The following MIPOL1 variants were observed in gnomAD, a reference collection of about 807,000 sequenced individuals.
MIPOL1 encodes the protein mirror-image polydactyly gene 1 protein.
A neutral mutation model predicts 60.9 loss-of-function variants in MIPOL1; 57 were observed. That is an observed-to-expected ratio of 0.94 (90% CI 0.76 to 1.17). The LOEUF (loss-of-function observed/expected upper bound fraction) is 1.17, where lower values mean the gene tolerates loss of function less well. Ranked by LOEUF, MIPOL1 falls within the 50% of genes most tolerant of loss-of-function variation. The pLI, the probability that MIPOL1 is intolerant of heterozygous loss-of-function variation, is 0.00. For synonymous variants in MIPOL1, 179 were observed against 168.8 expected, an observed-to-expected ratio of 1.06 and a Z score of -0.47; for missense variants, 551 against 511.6, an observed-to-expected ratio of 1.08 and a Z score of -0.74.
At chr14:37,200,029 A>C (rs554673722) in intron 1 of MIPOL1, among the ~76,000 whole-genome samples, 40 of 152,350 alleles carry the variant, frequency 2.6e-4, no homozygotes, top group African/African-American at 9.1e-4. Context: ...TAGTAGGAAT[A>C]TAGTGACATA....
At chr14:37,382,006 G>C (rs1300412249) in intron 10 of MIPOL1, among the ~76,000 whole-genome samples, 2 of 151,958 alleles carry the variant, frequency 1.3e-5, no homozygotes. Flanking sequence ...TTTTCAAGTT[G>C]ATTTTTATAT....
rs190753064 is a variant in MIPOL1, at chr14:37,447,812, T to A, written c.1031+24863T>A. On this transcript the variant is annotated intron_variant, in intron 11 of 12. Transcript: ENST00000684589. The stretch of plus-strand genomic sequence containing the variant: ...TTTAATTCCAGTGAGCTGTTTTTTT[T>A]AATAATATAGATGTAACGTGACTTT... Among the ~76,000 whole-genome samples, 214 of 152,268 alleles carry A rather than the reference T, an allele frequency of 1.4e-3. 1 individual carries two copies. Among genetic ancestry groups the A allele is most frequent in the African/African-American group, 4.2e-3 (174 of 41,566 alleles).
intron 1 of MIPOL1, among the ~76,000 whole-genome samples, chr14:37,226,532 G>GT (rs1291455252): frequency 1.3e-5 from 2 of 152,232 alleles, no homozygotes; most frequent in African/African-American, 4.8e-5. Context: ...CACGAGAACA[G>GT]TATGGGGGAA....
intron 11 of MIPOL1, among the ~76,000 whole-genome samples, chr14:37,470,559 T>G (rs751828011): frequency 4.6e-5 from 7 of 152,184 alleles, no homozygotes; most frequent in Non-Finnish European, 7.4e-5. Context: ...GTCATGCTTG[T>G]AAGTTTTCTG....
intron 12 of MIPOL1, among the ~76,000 whole-genome samples, chr14:37,544,599 C>T (rs965945069): frequency 1.3e-5 from 2 of 152,188 alleles, no homozygotes; most frequent in Admixed American, 6.5e-5. Context: ...CAGACACACA[C>T]GTCTACCTTC....
In MIPOL1 at chr14:37,422,601, T is replaced by G. The variant is rs182476025; in HGVS notation, c.937-254T>G. Among the ~76,000 whole-genome samples, 47 of 152,154 alleles carry G rather than the reference T, an allele frequency of 3.1e-4. No individual in the cohort carries two copies. The East Asian group carries it at 4.2e-3, about 14-fold the overall frequency. On this transcript the variant is annotated intron_variant, in intron 10 of 12. Coordinates refer to ENST00000684589, the MANE Select transcript of MIPOL1 (RefSeq NM_001388067.1). ...GTTAAACATTGCAGAAGGGCATATA[T>G]CTGATGGTACAGATAAATAAGGTTG...
At chr14:37,341,812 A>G (rs1252548953) in intron 9 of MIPOL1, among the ~76,000 whole-genome samples, 6 of 152,154 alleles carry the variant, frequency 3.9e-5, no homozygotes, top group African/African-American at 1.4e-4. Flanking sequence ...TCCTTTTGCT[A>G]TTGTACATGT....
chr14:37,305,965 A>T lies in MIPOL1; in HGVS notation c.624-2091A>T, dbSNP rs190285606. 1.7e-3 allele frequency among the ~76,000 whole-genome samples: 253 copies of T among 151,970 alleles called. 1 individual carries two copies. The highest frequency in any genetic ancestry group is 5.8e-3 in the African/African-American group (239 of 41,546). ...TATCGGCAAAATGACAAGTCAGTATATATTATGTGCTTTTAGCAGCAATCA... is the reference window on the plus strand; with the variant it reads ...TATCGGCAAAATGACAAGTCAGTATTTATTATGTGCTTTTAGCAGCAATCA... On this transcript the variant is annotated intron_variant, in intron 7 of 12. Transcript: ENST00000684589.
At chr14:37,544,143 G>A (rs374622562) in intron 12 of MIPOL1, among the ~76,000 whole-genome samples, 6 of 152,240 alleles carry the variant, frequency 3.9e-5, no homozygotes, top group South Asian at 4.1e-4. Flanking sequence ...AGTCATGAGC[G>A]TTTAAGTGTC....
At chr14:37,363,983 A>G (rs1036440689) in intron 9 of MIPOL1, among the ~76,000 whole-genome samples, 1 of 152,172 alleles carries the variant, frequency 6.6e-6, no homozygotes, top group East Asian at 1.9e-4. Flanking sequence ...TGCTAAGACC[A>G]TGGGAAAAGC....
intron 9 of MIPOL1, 47 bp from the exon 10 acceptor site, chr14:37,369,470 A>T: frequency 7.0e-7 from 1 of 1,419,518 alleles, no homozygotes; most frequent in Non-Finnish European, 9.9e-7. Context: ...TTGGTGAAAA[A>T]AAATGCTATA....
rs755321952 is a variant in MIPOL1, at chr14:37,267,127, A to T, written c.209A>T (p.Tyr70Phe). 2 of 1,613,768 alleles carry T rather than the reference A, an allele frequency of 1.2e-6. No homozygotes were observed. Among genetic ancestry groups the T allele is most frequent in the Non-Finnish European group, 1.7e-6 (2 of 1,179,870 alleles). Residue 70 changes from tyrosine (Y) to phenylalanine (F), a missense_variant, in exon 4 of 13, where the codon TAT becomes TTT. Physicochemically the swap from Tyr to Phe is conservative, Grantham distance 22. Transcript: ENST00000684589. ...RSTNFQIISS[Y>F]PDDESVYCTT... The stretch of plus-strand genomic sequence containing the variant: ...ACGAATTTTCAGATCATCAGTTCTT[A>T]TCCAGATGATGAGTCTGTTTACTGC...
At chr14:37,254,819 A>G (rs1395772881) in intron 3 of MIPOL1, among the ~76,000 whole-genome samples, 3 of 151,760 alleles carry the variant, frequency 2.0e-5, no homozygotes, top group African/African-American at 4.8e-5. Context: ...AGCATGAAAA[A>G]TGGTAAATTT....
chr14:37,475,281 T>C (rs2094753590), intron 11 of MIPOL1, among the ~76,000 whole-genome samples: 1 of 152,156 alleles, frequency 6.6e-6, no homozygotes, highest in Non-Finnish European at 1.5e-5. Flanking sequence ...TATTTTCTTA[T>C]TGTTGATTTT....
At chr14:37,245,445 TG>T (rs1214148091) in intron 1 of MIPOL1, among the ~76,000 whole-genome samples, 1 of 152,142 alleles carries the variant, frequency 6.6e-6, no homozygotes, top group African/African-American at 2.4e-5. Context: ...AGATATGAAT[TG>T]AAAAATAAGA....
At chr14:37,200,174 G>C (rs1964998736) in intron 1 of MIPOL1, among the ~76,000 whole-genome samples, 1 of 152,174 alleles carries the variant, frequency 6.6e-6, no homozygotes, top group Non-Finnish European at 1.5e-5. Context: ...GCTTTGTAGA[G>C]TTTCAGCTAA....
chr14:37,522,940 C>G (rs900654295), intron 12 of MIPOL1, among the ~76,000 whole-genome samples: 2 of 152,024 alleles, frequency 1.3e-5, no homozygotes, highest in African/African-American at 4.8e-5. Context: ...CCCATTAATA[C>G]AATTTTTATC....
At chr14:37,362,068 G>T (rs1768522951) in intron 9 of MIPOL1, among the ~76,000 whole-genome samples, 1 of 152,048 alleles carries the variant, frequency 6.6e-6, no homozygotes, top group South Asian at 2.1e-4. Flanking sequence ...TATCCAATTT[G>T]CCAGTCTGTG....
chr14:37,245,712 T>G (rs1229550130), intron 1 of MIPOL1, among the ~76,000 whole-genome samples: 1 of 152,166 alleles, frequency 6.6e-6, no homozygotes, highest in African/African-American at 2.4e-5. Context: ...ACATTTATTG[T>G]GCTAATTGCA....
Sources: gnomAD v4.1 joint callset for allele counts (sites outside exome capture counted in the v4.1 genomes callset) on GRCh38, gnomAD v4.1.1 for gene constraint, MANE v1.5 for transcripts, NCBI Gene and HGNC (gene_info 2026-07-23, HGNC 2026-07-21) for gene names.